UGT1A10: variants seen among roughly 807,000 people sequenced by gnomAD.
UGT1A10 encodes the protein UDP-glucuronosyltransferase 1A10.
In UGT1A10, 49 loss-of-function variants were observed where a neutral mutation model predicts 45.8. That is an observed-to-expected ratio of 1.07 (90% CI 0.85 to 1.36). UGT1A10 has a LOEUF of 1.36. UGT1A10 is among the 40% of genes most tolerant of loss of function. The probability of loss-of-function intolerance (pLI) is 0.00; values close to 1 mark genes in which losing one functional copy is unlikely to be tolerated. For synonymous variants in UGT1A10, 284 were observed against 249.7 expected, an observed-to-expected ratio of 1.14 and a Z score of -1.29; for missense variants, 745 against 668.6, an observed-to-expected ratio of 1.11 and a Z score of -1.26.
intron 1 of UGT1A10, among the ~76,000 whole-genome samples, chr2:233,683,392 G>C (rs1575431032): frequency 6.6e-6 from 1 of 152,140 alleles, no homozygotes; most frequent in East Asian, 1.9e-4. Context: ...AAGATTGATA[G>C]AGATTTAAGT....
At chr2:233,772,226 G>C (rs1559419626) in intron 4 of UGT1A10, 36 bp from the exon 5 acceptor site, 2 of 1,613,458 alleles carry the variant, frequency 1.2e-6, no homozygotes, top group Non-Finnish European at 1.7e-6. Context: ...CATACCACAG[G>C]TGTTCCAGGC....
chr2:233,649,898 CT>C (rs957959321), intron 1 of UGT1A10, among the ~76,000 whole-genome samples: 22 of 152,096 alleles, frequency 1.4e-4, no homozygotes, highest in African/African-American at 5.3e-4. Flanking sequence ...TGTGCTTTGT[CT>C]TCATTATCAT....
intron 1 of UGT1A10, chr2:233,747,345 C>A (rs905208353): frequency 6.2e-7 from 1 of 1,602,546 alleles, no homozygotes; most frequent in South Asian, 1.1e-5. Flanking sequence ...GGCTCGCATG[C>A]GGGAGGCCGT....
In UGT1A10 at chr2:233,733,917, G is replaced by T. The variant is rs753783737; in HGVS notation, c.856-33117G>T. On this transcript the variant is annotated intron_variant, in intron 1 of 4. Coordinates refer to ENST00000344644, the MANE Select transcript of UGT1A10 (RefSeq NM_019075.4). ...GTTTGTACCTCTCTGGTAGAATTCG[G>T]CTGTGAGGAAGGGGAACATCACATA... Among the ~76,000 whole-genome samples the T allele has an allele frequency of 9.2e-5, 14 of 152,092 alleles. No homozygotes were observed. The East Asian group carries it at 9.7e-4, about 11-fold the overall frequency.
intron 1 of UGT1A10, among the ~76,000 whole-genome samples, chr2:233,683,951 C>G (rs2074657441): frequency 6.6e-6 from 1 of 152,110 alleles, no homozygotes; most frequent in South Asian, 2.1e-4. Flanking sequence ...GTCTAGCCAG[C>G]TTAAATTAGG....
chr2:233,688,674 T>A (rs942176177), intron 1 of UGT1A10, among the ~76,000 whole-genome samples: 48 of 152,316 alleles, frequency 3.2e-4, no homozygotes, highest in African/African-American at 8.9e-4. Flanking sequence ...GGCTCTTTTT[T>A]AAAAAATTTA....
intron 1 of UGT1A10, among the ~76,000 whole-genome samples, chr2:233,657,498 G>T (rs2073881702): frequency 6.6e-6 from 1 of 152,136 alleles, no homozygotes; most frequent in Non-Finnish European, 1.5e-5. Flanking sequence ...ATCAGTTCTT[G>T]CAGGAGCAAT....
At chr2:233,657,225 A>T (rs1450987116) in intron 1 of UGT1A10, among the ~76,000 whole-genome samples, 1 of 151,896 alleles carries the variant, frequency 6.6e-6, no homozygotes, top group East Asian at 1.9e-4. Context: ...ATTTTATGCC[A>T]CTCTTCATGC....
At chr2:233,702,439 G>A (rs1026560419) in intron 1 of UGT1A10, among the ~76,000 whole-genome samples, 9 of 151,954 alleles carry the variant, frequency 5.9e-5, no homozygotes, top group African/African-American at 1.9e-4. Flanking sequence ...TTTCTAATAA[G>A]GATAACATTT....
intron 1 of UGT1A10, chr2:233,744,022 A>C (rs773777598): frequency 3.4e-4 from 328 of 975,622 alleles, no homozygotes; most frequent in East Asian, 3.5e-4. Context: ...GCCTGGAGAG[A>C]CGCCCCTTAT....
At chr2:233,713,396 G>A in intron 1 of UGT1A10, 1 of 1,614,032 alleles carries the variant, frequency 6.2e-7, no homozygotes, top group Non-Finnish European at 8.5e-7. Context: ...TGCATAATGA[G>A]GCCCTGATCA....
intron 1 of UGT1A10, among the ~76,000 whole-genome samples, chr2:233,714,030 C>T (rs141549280): frequency 1.3e-5 from 2 of 152,174 alleles, no homozygotes; most frequent in African/African-American, 4.8e-5. Context: ...AATGGTAGTG[C>T]AGTTCAGGGT....
intron 1 of UGT1A10, among the ~76,000 whole-genome samples, chr2:233,714,855 A>G (rs1055272801): frequency 1.3e-5 from 2 of 152,158 alleles, no homozygotes; most frequent in Non-Finnish European, 2.9e-5. Context: ...TATTCCATGG[A>G]TAAAACTAAA....
chr2:233,763,704 GA>G lies in UGT1A10; in HGVS notation c.856-3328del, dbSNP rs779879703. On this transcript the variant is annotated intron_variant, in intron 1 of 4. Transcript: ENST00000344644. ...AAAGATAAAACTTTTATTGCACAAA[GA>G]AGTCCATAGAGAAAGCACAACCTGG... Among the ~76,000 whole-genome samples the G allele has an allele frequency of 3.9e-5, 6 of 152,288 alleles. No individual in the cohort carries two copies. The South Asian group carries it at 1.2e-3, about 32-fold the overall frequency.
chr2:233,746,409 A>G (rs1367378593), intron 1 of UGT1A10, among the ~76,000 whole-genome samples: 2 of 151,722 alleles, frequency 1.3e-5, no homozygotes, highest in Non-Finnish European at 2.9e-5. Flanking sequence ...AGTGTGTCCA[A>G]TGGTGACCTA....
At chr2:233,654,426 G>A (rs1046794270) in intron 1 of UGT1A10, among the ~76,000 whole-genome samples, 8 of 152,134 alleles carry the variant, frequency 5.3e-5, no homozygotes, top group African/African-American at 1.7e-4. Context: ...TGTACTAATC[G>A]TAGATATATC....
intron 1 of UGT1A10, chr2:233,744,094 T>G: frequency 7.2e-6 from 3 of 416,176 alleles, no homozygotes; most frequent in South Asian, 6.1e-5. Flanking sequence ...ATGCAGTGCT[T>G]CTGGGACTGG....
intron 1 of UGT1A10, among the ~76,000 whole-genome samples, chr2:233,642,876 C>G (rs2073489647): frequency 6.6e-6 from 1 of 152,116 alleles, no homozygotes; most frequent in Non-Finnish European, 1.5e-5. Flanking sequence ...CAGAGTCTCT[C>G]TCTCTCTCTC....
chr2:233,655,470 G>A (rs1283413550), intron 1 of UGT1A10, among the ~76,000 whole-genome samples: 1 of 152,170 alleles, frequency 6.6e-6, no homozygotes, highest in Admixed American at 6.5e-5. Context: ...GACTTAAGGA[G>A]GCTCATGCTT....
Sources: allele counts gnomAD v4.1 joint callset (sites outside exome capture counted in the v4.1 genomes callset), GRCh38; gene constraint gnomAD v4.1.1; transcripts MANE v1.5; gene names NCBI Gene and HGNC (gene_info 2026-07-23, HGNC 2026-07-21).